PRKCA: variants seen among roughly 807,000 people sequenced by gnomAD.
The protein encoded by PRKCA is protein kinase C alpha.
A neutral mutation model predicts 87.0 loss-of-function variants in PRKCA; 27 were observed. The ratio of observed to expected loss-of-function variants is 0.31; its 90% CI spans 0.23 to 0.43. The LOEUF is 0.43. Among genes scored for constraint, PRKCA ranks in the 20% least tolerant of loss-of-function variants. The pLI is 1.00. For missense variants in PRKCA, 518 were observed against 852.3 expected, an observed-to-expected ratio of 0.61 and a Z score of 4.88; for synonymous variants, 329 against 311.1, an observed-to-expected ratio of 1.06 and a Z score of -0.61.
chr17:66,460,921 C>T (rs1204815225), intron 2 of PRKCA, among the ~76,000 whole-genome samples: 1 of 152,062 alleles, frequency 6.6e-6, no homozygotes, highest in Non-Finnish European at 1.5e-5. Flanking sequence ...AAAAGCACAT[C>T]CCAGATGGGC....
At chr17:66,500,772 T>C (rs1916689870) in intron 3 of PRKCA, among the ~76,000 whole-genome samples, 1 of 152,210 alleles carries the variant, frequency 6.6e-6, no homozygotes, top group African/African-American at 2.4e-5. Flanking sequence ...CAGACTTATT[T>C]TACCATCTTG....
At chr17:66,684,893 T>C (rs1972583866) in intron 5 of PRKCA, among the ~76,000 whole-genome samples, 1 of 152,232 alleles carries the variant, frequency 6.6e-6, no homozygotes, top group African/African-American at 2.4e-5. Context: ...ATTCTGGTGT[T>C]TAATCAGAGA....
At chr17:66,488,293 A>T (rs1916075721) in intron 2 of PRKCA, among the ~76,000 whole-genome samples, 1 of 152,242 alleles carries the variant, frequency 6.6e-6, no homozygotes, top group Admixed American at 6.5e-5. Context: ...GTATTAAATT[A>T]TATGGTATGT....
At chr17:66,376,967 C>G (rs1012592008) in intron 2 of PRKCA, among the ~76,000 whole-genome samples, 2 of 152,130 alleles carry the variant, frequency 1.3e-5, no homozygotes, top group Non-Finnish European at 2.9e-5. Flanking sequence ...GGCACCAAAC[C>G]ACCTCAGAGC....
In PRKCA at chr17:66,803,338, A is replaced by G. The variant is rs1301003644; in HGVS notation, c.1855-535A>G. Among the ~76,000 whole-genome samples, 2 of 152,166 alleles carry G rather than the reference A, an allele frequency of 1.3e-5. No homozygotes were observed. The highest frequency in any genetic ancestry group is 6.5e-5 in the Admixed American group (1 of 15,280). On this transcript the variant is annotated intron_variant, in intron 16 of 16. Transcript: ENST00000413366. This position sits in a 1 kb window ranked among gnomAD's most constrained non-coding sequence, Gnocchi z 4.4. ...CGCCACACCTACCTCATATCGCTTGAAGCTTAATTTAGGGGCTGGGGTTGC... is the reference window on the plus strand; with the variant it reads ...CGCCACACCTACCTCATATCGCTTGGAGCTTAATTTAGGGGCTGGGGTTGC...
In PRKCA at chr17:66,627,864, T is replaced by G. The variant is rs144413231; in HGVS notation, c.289-13491T>G. ...CCAATTCCTGGTTTTAGAAAAGGAA[T>G]GAAGGGGTATCAATTAGAGATCAAG... On this transcript the variant is annotated intron_variant, in intron 3 of 16. Coordinates refer to ENST00000413366, the MANE Select transcript of PRKCA (RefSeq NM_002737.3). Among the ~76,000 whole-genome samples the G allele has an allele frequency of 1.6e-3, 240 of 152,222 alleles. 1 individual carries two copies. Among genetic ancestry groups the G allele is most frequent in the African/African-American group, 5.5e-3 (230 of 41,540 alleles).
At chr17:66,668,005 C>T (rs1425766759) in intron 5 of PRKCA, among the ~76,000 whole-genome samples, 2 of 152,156 alleles carry the variant, frequency 1.3e-5, no homozygotes, top group East Asian at 1.9e-4. Context: ...TTCTGTTGCC[C>T]GTTAGCCCAG....
intron 2 of PRKCA, among the ~76,000 whole-genome samples, chr17:66,390,010 G>A (rs1421255225): frequency 6.6e-6 from 1 of 152,226 alleles, no homozygotes; most frequent in Non-Finnish European, 1.5e-5. Flanking sequence ...GATCACCTGA[G>A]GTTGGGAGTT....
At chr17:66,710,325 C>A (rs74932577) in intron 8 of PRKCA, among the ~76,000 whole-genome samples, 1 of 152,078 alleles carries the variant, frequency 6.6e-6, no homozygotes. Flanking sequence ...ATAATTGGAA[C>A]CTGTGCTGTG....
At chr17:66,374,478 C>T (rs779143030) in intron 2 of PRKCA, among the ~76,000 whole-genome samples, 4 of 152,178 alleles carry the variant, frequency 2.6e-5, no homozygotes, top group Non-Finnish European at 5.9e-5. Context: ...GCTGGCGTCA[C>T]CATGGCATCA....
intron 3 of PRKCA, among the ~76,000 whole-genome samples, chr17:66,564,477 C>T (rs1172862140): frequency 3.9e-5 from 6 of 152,130 alleles, no homozygotes; most frequent in Non-Finnish European, 7.3e-5. Context: ...AAGAGGAATG[C>T]GTGGCTTTTG....
chr17:66,679,015 T>C (rs1437182344), intron 5 of PRKCA, among the ~76,000 whole-genome samples: 1 of 152,144 alleles, frequency 6.6e-6, no homozygotes, highest in Non-Finnish European at 1.5e-5. Flanking sequence ...ACTGGCTACG[T>C]GGTCACTGGG....
intron 5 of PRKCA, among the ~76,000 whole-genome samples, chr17:66,683,743 G>T (rs192892374): frequency 3.9e-5 from 6 of 152,182 alleles, no homozygotes; most frequent in Admixed American, 3.9e-4. Context: ...GGGATTACAG[G>T]TGCCCACCAG....
intron 4 of PRKCA, among the ~76,000 whole-genome samples, chr17:66,644,772 G>A (rs1335451253): frequency 2.0e-5 from 3 of 152,098 alleles, no homozygotes; most frequent in Non-Finnish European, 2.9e-5. Context: ...TCAATCCACA[G>A]ATTTTCACTC....
At chr17:66,777,835 A>G in intron 14 of PRKCA, 1 of 985,378 alleles carries the variant, frequency 1.0e-6, no homozygotes, top group Non-Finnish European at 1.2e-6. Flanking sequence ...CCAGCAGGAG[A>G]CAAGAATTTC....
chr17:66,564,289 G>A (rs951115102), intron 3 of PRKCA, among the ~76,000 whole-genome samples: 2 of 152,162 alleles, frequency 1.3e-5, no homozygotes, highest in South Asian at 2.1e-4. Context: ...ATGTTGGTCA[G>A]GCTGGTCTCA....
chr17:66,617,731 G>A (rs997464546), intron 3 of PRKCA, among the ~76,000 whole-genome samples: 4 of 152,016 alleles, frequency 2.6e-5, no homozygotes, highest in Non-Finnish European at 4.4e-5. Flanking sequence ...TGACCACCAG[G>A]CCTTCCTTTA....
At chr17:66,799,984 C>G (rs941819500) in intron 16 of PRKCA, among the ~76,000 whole-genome samples, 1 of 152,084 alleles carries the variant, frequency 6.6e-6, no homozygotes, top group Non-Finnish European at 1.5e-5. Flanking sequence ...TCCTGAGTCT[C>G]GTAGCTGATC....
intron 2 of PRKCA, among the ~76,000 whole-genome samples, chr17:66,484,313 A>G (rs1386511805): frequency 1.3e-5 from 2 of 152,164 alleles, no homozygotes; most frequent in Non-Finnish European, 2.9e-5. Flanking sequence ...TTCAACCCCT[A>G]AGAGTGTAGC....
Sources: allele counts gnomAD v4.1 joint callset (sites outside exome capture counted in the v4.1 genomes callset), GRCh38; gene constraint gnomAD v4.1.1; non-coding constraint Gnocchi (gnomAD v3.1); transcripts MANE v1.5; gene names NCBI Gene and HGNC (gene_info 2026-07-23, HGNC 2026-07-21).